Variants in OLFM2 observed in about 807,000 individuals in gnomAD.
OLFM2 encodes the protein olfactomedin 2, also known as noelin-2.
In OLFM2, 20 loss-of-function variants were observed where a neutral mutation model predicts 43.9. That is an observed-to-expected ratio of 0.46 (90% confidence interval 0.32 to 0.66). The LOEUF is 0.66. Ranked by LOEUF, OLFM2 falls within the 30% of genes least tolerant of loss-of-function variation. The pLI is 0.04. For synonymous variants in OLFM2, 268 were observed against 278.6 expected, an observed-to-expected ratio of 0.96 and a Z score of 0.38; for missense variants, 416 against 643.6, an observed-to-expected ratio of 0.65 and a Z score of 3.83.
chr19:9,932,768 A>G (rs1319949039), intron 1 of OLFM2, among the ~76,000 whole-genome samples: 4 of 152,140 alleles, frequency 2.6e-5, no homozygotes, highest in Non-Finnish European at 5.9e-5. Context: ...GATCTTAGGG[A>G]GGCCTTCGCA....
chr19:9,924,693 C>T (rs1052402860), intron 1 of OLFM2, among the ~76,000 whole-genome samples: 1 of 151,946 alleles, frequency 6.6e-6, no homozygotes. Flanking sequence ...TATTTTTGTG[C>T]TGTTTGTTGG....
chr19:9,880,540 T>A (rs909787898), intron 1 of OLFM2, among the ~76,000 whole-genome samples: 2 of 152,078 alleles, frequency 1.3e-5, no homozygotes, highest in Admixed American at 1.3e-4. Flanking sequence ...GAGGTTGCAG[T>A]GAGCTGTGAT....
At chr19:9,920,335 C>T (rs1284159838) in intron 1 of OLFM2, among the ~76,000 whole-genome samples, 1 of 152,066 alleles carries the variant, frequency 6.6e-6, no homozygotes. Flanking sequence ...TTGAGGTGCC[C>T]TGCACTGTAC....
At chr19:9,892,108 G>A (rs558584557) in intron 1 of OLFM2, among the ~76,000 whole-genome samples, 4 of 152,104 alleles carry the variant, frequency 2.6e-5, no homozygotes, top group African/African-American at 9.7e-5. Flanking sequence ...ACTGTGATGT[G>A]GTCTGTACGT....
chr19:9,859,710 G>A (rs2046352314), intron 2 of OLFM2, among the ~76,000 whole-genome samples: 1 of 152,246 alleles, frequency 6.6e-6, no homozygotes, highest in African/African-American at 2.4e-5. Flanking sequence ...TAGTAGGTGA[G>A]TCTGGTGAAC....
At chr19:9,911,868 C>A (rs751101447) in intron 1 of OLFM2, among the ~76,000 whole-genome samples, 8 of 152,148 alleles carry the variant, frequency 5.3e-5, no homozygotes, top group Non-Finnish European at 8.8e-5. Flanking sequence ...CAGATGGCAA[C>A]GGCAAGAAGC....
intron 1 of OLFM2, among the ~76,000 whole-genome samples, chr19:9,895,631 T>C (rs533820208): frequency 6.6e-6 from 1 of 152,244 alleles, no homozygotes; most frequent in Non-Finnish European, 1.5e-5. Context: ...ACTTTATTTA[T>C]TTTTATTATT....
chr19:9,872,219 A>C (rs960753811), intron 1 of OLFM2, among the ~76,000 whole-genome samples: 1 of 152,186 alleles, frequency 6.6e-6, no homozygotes, highest in Non-Finnish European at 1.5e-5. Flanking sequence ...ACAGGCCTTA[A>C]AGAAGATATC....
intron 1 of OLFM2, among the ~76,000 whole-genome samples, chr19:9,909,649 T>C (rs1016064906): frequency 6.6e-6 from 1 of 152,180 alleles, no homozygotes; most frequent in African/African-American, 2.4e-5. Context: ...ACTTTGGGAA[T>C]CCATACTGCT....
intron 1 of OLFM2, among the ~76,000 whole-genome samples, chr19:9,932,289 A>G (rs1416384396): frequency 9.2e-5 from 14 of 151,876 alleles, no homozygotes; most frequent in Non-Finnish European, 1.3e-4. Flanking sequence ...GTCTCTACTA[A>G]AAATACAACA....
chr19:9,894,409 T>TAATAATAATAATAATA, intron 1 of OLFM2, among the ~76,000 whole-genome samples: 1 of 100,526 alleles, frequency 9.9e-6, no homozygotes. Flanking sequence ...ATAATAATAA[T>TAATAATAATAATAATA]AATAAATAAA....
At position 9,853,774 on chromosome 19, in the gene OLFM2, A is replaced by G. The variant is rs2046289356; in HGVS notation, c.*412T>C. 5 of 318,304 alleles carry G rather than the reference A, an allele frequency of 1.6e-5. No individual in the cohort carries two copies. In the Admixed American group the frequency reaches 2.3e-4, roughly 14 times the overall value. The allele number at this position is 318,304 out of a possible 1,614,324, so 19.7% of individuals were successfully genotyped here. On this transcript the variant is annotated 3_prime_UTR_variant, in exon 6 of 6. Coordinates refer to ENST00000264833, the MANE Select transcript of OLFM2 (RefSeq NM_058164.4). ...AACCGGAAAGAAAAAGTGTAAATAA[A>G]AAAAGAAACAGATCCATGCACTCAA...
intron 1 of OLFM2, among the ~76,000 whole-genome samples, chr19:9,920,741 C>CAAAAAAAAAAAAAAAAAA (rs557455889): frequency 2.4e-5 from 3 of 126,642 alleles, no homozygotes; most frequent in African/African-American, 8.4e-5. Flanking sequence ...ACTAAACATA[C>CAAAAAAAAAAAAAAAAAA]AAAAAAAAAA....
chr19:9,907,795 G>A (rs930234251), intron 1 of OLFM2, among the ~76,000 whole-genome samples: 2 of 152,032 alleles, frequency 1.3e-5, no homozygotes, highest in Non-Finnish European at 1.5e-5. Flanking sequence ...CTTGAGGTCG[G>A]GAGTTGGAGA....
chr19:9,882,279 C>T (rs1251949736), intron 1 of OLFM2, among the ~76,000 whole-genome samples: 28 of 150,298 alleles, frequency 1.9e-4, no homozygotes, highest in Non-Finnish European at 4.4e-5. Context: ...TGGCTCATGC[C>T]TGTAATCCCA....
intron 1 of OLFM2, among the ~76,000 whole-genome samples, chr19:9,932,771 C>G (rs988741460): frequency 9.9e-5 from 15 of 152,074 alleles, no homozygotes; most frequent in Admixed American, 7.9e-4. Flanking sequence ...CTTAGGGAGG[C>G]CTTCGCAGGG....
In OLFM2 at chr19:9,905,349, C is replaced by T. The variant is rs184240791; in HGVS notation, c.63+30955G>A. On this transcript the variant is annotated intron_variant, in intron 1 of 5. Transcript: ENST00000264833. ...GTGGGCGCCTGTGGTCCCAGCTACTCGGGAGGCTGAGGCAGGAGAATGGCT... is the reference window on the plus strand; with the variant it reads ...GTGGGCGCCTGTGGTCCCAGCTACTTGGGAGGCTGAGGCAGGAGAATGGCT... 6.8e-3 allele frequency among the ~76,000 whole-genome samples: 1,027 copies of T among 152,020 alleles called. 14 individuals are homozygous for T. Among genetic ancestry groups the T allele is most frequent in the African/African-American group, 0.024 (985 of 41,444 alleles).
chr19:9,884,280 A>T (rs1330937502), intron 1 of OLFM2, among the ~76,000 whole-genome samples: 4 of 128,846 alleles, frequency 3.1e-5, no homozygotes, highest in African/African-American at 1.6e-4. Context: ...AAAAATTAAA[A>T]AAAAAAAAAA....
At chr19:9,864,787 CTT>C (rs34810133) in intron 1 of OLFM2, among the ~76,000 whole-genome samples, 1 of 97,586 alleles carries the variant, frequency 1.0e-5, no homozygotes, top group African/African-American at 4.1e-5. Context: ...ACACACCCAG[CTT>C]TTTTTTTTTT....
Sources: allele counts gnomAD v4.1 joint callset (sites outside exome capture counted in the v4.1 genomes callset), GRCh38; gene constraint gnomAD v4.1.1; transcripts MANE v1.5; gene names NCBI Gene and HGNC (gene_info 2026-07-23, HGNC 2026-07-21).